The following CDH12 variants were observed in gnomAD, a reference collection of about 807,000 sequenced individuals.
CDH12 encodes cadherin 12, also known as cadherin-12.
A neutral mutation model predicts 74.1 loss-of-function variants in CDH12; 41 were observed. The ratio of observed to expected loss-of-function variants is 0.55; its 90% CI spans 0.43 to 0.72. The LOEUF is 0.72. Among genes scored for constraint, CDH12 ranks in the 30% least tolerant of loss-of-function variants. The pLI, the probability that CDH12 is intolerant of heterozygous loss-of-function variation, is 0.00. For synonymous variants in CDH12, 399 were observed against 355.0 expected (o/e 1.12, Z -1.39); for missense variants, 945 against 977.2 (o/e 0.97, Z 0.44).
intron 6 of CDH12, among the ~76,000 whole-genome samples, chr5:21,905,894 A>T (rs1431604119): frequency 6.6e-6 from 1 of 152,172 alleles, no homozygotes; most frequent in African/African-American, 2.4e-5. Flanking sequence ...GCTGACATAC[A>T]ATAGCAATAA....
intron 1 of CDH12, among the ~76,000 whole-genome samples, chr5:22,727,973 G>T (rs1744245554): frequency 6.6e-6 from 1 of 151,526 alleles, no homozygotes; most frequent in South Asian, 2.1e-4. Flanking sequence ...AGAAATTGTT[G>T]TTGCCTCCAT....
chr5:21,830,622 C>T (rs1748960977), intron 8 of CDH12, among the ~76,000 whole-genome samples: 1 of 152,118 alleles, frequency 6.6e-6, no homozygotes, highest in Admixed American at 6.6e-5. Flanking sequence ...AGCTTTGCAT[C>T]AGTGAGAGTT....
rs570703751 is a variant in CDH12, at chr5:22,755,609, C to T, written c.-523+97449G>A. 1.1e-4 allele frequency among the ~76,000 whole-genome samples: 17 copies of T among 152,158 alleles called. 1 individual carries two copies. The South Asian group carries it at 3.5e-3, about 32-fold the overall frequency. On this transcript the variant is annotated intron_variant, in intron 1 of 14. Transcript: ENST00000382254. ...TGTAAGAATTCATACAACACAATTG[C>T]TTTTGTTAGAAAAAAACGATTTACT... is the stretch of plus-strand genomic sequence containing the variant.
chr5:22,363,805 C>A (rs1413537301), intron 3 of CDH12, among the ~76,000 whole-genome samples: 1 of 152,176 alleles, frequency 6.6e-6, no homozygotes, highest in Non-Finnish European at 1.5e-5. Context: ...GGAGGCAATG[C>A]CTGCATCATC....
rs777153366 is a variant in CDH12 at position 21,975,228 on chromosome 5, T to C, written c.389A>G (p.Gln130Arg). ...EEKPFYTLRAQAVDIETRKPL... is the reference protein window; with the variant it reads ...EEKPFYTLRARAVDIETRKPL... ...CTTTCTGGTTTCTATGTCCACAGCC[T>C]GAGCACGAAGAGTGTAGAAAGGTTT... The change falls in exon 6 of 15, where the codon CAG becomes CGG. Residue 130 changes from glutamine (Q) to arginine (R), a missense_variant. Around this residue, in one of 3 missense-constraint regions of CDH12, gnomAD observed 148 missense variants for 162.8 expected, o/e 0.91. Coordinates refer to ENST00000382254, the MANE Select transcript of CDH12 (RefSeq NM_004061.5). The C allele has an allele frequency of 4.4e-6, 7 of 1,597,346 alleles. No homozygotes were observed. The highest frequency in any genetic ancestry group is 5.1e-6 in the Non-Finnish European group (6 of 1,179,652).
intron 1 of CDH12, among the ~76,000 whole-genome samples, chr5:22,828,964 CAAAT>C (rs1736461335): frequency 6.6e-6 from 1 of 151,956 alleles, no homozygotes; most frequent in Admixed American, 6.6e-5. Context: ...TTCCTGGGCT[CAAAT>C]AAAGAATAGC....
chr5:22,040,747 CA>C (rs1183137846), intron 5 of CDH12, among the ~76,000 whole-genome samples: 5 of 152,096 alleles, frequency 3.3e-5, no homozygotes, highest in Non-Finnish European at 4.4e-5. Flanking sequence ...TTTCCTCAAA[CA>C]AGTAAAAGAT....
At chr5:21,996,132 T>TC (rs1736284104) in intron 5 of CDH12, among the ~76,000 whole-genome samples, 2 of 143,258 alleles carry the variant, frequency 1.4e-5, no homozygotes, top group African/African-American at 2.7e-5. Context: ...TTTTTTTTTT[T>TC]CCAATGCCTG....
chr5:22,244,295 G>A lies in CDH12; in HGVS notation c.-332-31652C>T, dbSNP rs146794341. Among the ~76,000 whole-genome samples, 132 of 152,022 alleles carry A rather than the reference G, an allele frequency of 8.7e-4. 1 individual carries two copies. Among genetic ancestry groups the A allele is most frequent in the African/African-American group, 3.0e-3 (126 of 41,500 alleles). On this transcript the variant is annotated intron_variant, in intron 3 of 14. Coordinates refer to ENST00000382254, the MANE Select transcript of CDH12 (RefSeq NM_004061.5). ...ACCTGAGTTCAGGAGTTCGAGCCCA[G>A]TCTGACTAACATGGTGAAACCCTTT...
In CDH12 at chr5:21,992,046, A is replaced by T. The variant is rs367876652; in HGVS notation, c.232-16661T>A. Among the ~76,000 whole-genome samples the T allele has an allele frequency of 1.8e-4, 28 of 152,168 alleles. 1 individual carries two copies. The East Asian group carries it at 5.2e-3, about 28-fold the overall frequency. On this transcript the variant is annotated intron_variant, in intron 5 of 14. Transcript: ENST00000382254. The stretch of plus-strand genomic sequence containing the variant: ...CTGTGTAAGAAATGCAGTAAGTTAC[A>T]TCTTGTTTCTAAATACAGGTTAGTG...
chr5:22,510,465 C>T (rs897213850), intron 1 of CDH12, among the ~76,000 whole-genome samples: 7 of 151,982 alleles, frequency 4.6e-5, no homozygotes, highest in South Asian at 2.1e-4. Context: ...GGGAAAAGAA[C>T]AGACTTTTAA....
intron 8 of CDH12, among the ~76,000 whole-genome samples, chr5:21,821,439 G>C (rs187633918): frequency 2.0e-5 from 3 of 151,566 alleles, no homozygotes; most frequent in African/African-American, 7.3e-5. Flanking sequence ...GACACCAATA[G>C]CAAGTTAAAA....
chr5:22,342,661 CTCTT>C (rs1194475420), intron 3 of CDH12, among the ~76,000 whole-genome samples: 10 of 145,670 alleles, frequency 6.9e-5, no homozygotes, highest in Non-Finnish European at 1.2e-4. Context: ...TTCTTTCTTT[CTCTT>C]TCTTTCCTTT....
intron 5 of CDH12, among the ~76,000 whole-genome samples, chr5:22,077,077 T>TGCGC (rs1182124498): frequency 4.8e-5 from 7 of 146,282 alleles, no homozygotes; most frequent in African/African-American, 1.5e-4. Flanking sequence ...TGTGTGTGTG[T>TGCGC]GCGCGTGTGT....
chr5:22,058,202 A>C (rs931456552), intron 5 of CDH12, among the ~76,000 whole-genome samples: 1 of 152,020 alleles, frequency 6.6e-6, no homozygotes. Flanking sequence ...GATTACAGGC[A>C]CACGCCTCCA....
rs372052610 is a variant in CDH12 at position 22,572,120 on chromosome 5, C to G, written c.-522-66756G>C. Among the ~76,000 whole-genome samples the G allele has an allele frequency of 2.9e-4, 44 of 152,034 alleles. No individual in the cohort carries two copies. The East Asian group carries it at 2.9e-3, about 10-fold the overall frequency. On this transcript the variant is annotated intron_variant, in intron 1 of 14. Coordinates refer to ENST00000382254, the MANE Select transcript of CDH12 (RefSeq NM_004061.5). ...AGGTTTGTTTGTACTTGAGTCTTTA[C>G]AAGTAAACATGGCTCATTTCTCAGA...
chr5:21,866,999 G>A (rs1020036664), intron 6 of CDH12, among the ~76,000 whole-genome samples: 1 of 152,098 alleles, frequency 6.6e-6, no homozygotes, highest in Non-Finnish European at 1.5e-5. Flanking sequence ...CTTCAGAGGG[G>A]TCAAGCCTCA....
chr5:22,580,297 T>C (rs1561505313), intron 1 of CDH12: 1 of 407,980 alleles, frequency 2.5e-6, no homozygotes. Flanking sequence ...AGGTCGTCGA[T>C]GTCAAGCTTA....
intron 2 of CDH12, among the ~76,000 whole-genome samples, chr5:22,471,064 A>T (rs73742108): frequency 0.012 from 1,873 of 151,064 alleles, 34 homozygotes; most frequent in African/African-American, 0.044. Context: ...AAGGAGAGAA[A>T]TCCACAACTC....
Sources: allele counts gnomAD v4.1 joint callset (sites outside exome capture counted in the v4.1 genomes callset), GRCh38; gene constraint gnomAD v4.1.1; regional missense constraint gnomAD v4.1.1; transcripts MANE v1.5; gene names NCBI Gene and HGNC (gene_info 2026-07-23, HGNC 2026-07-21).